The following RARB variants were observed in gnomAD, a reference collection of about 807,000 sequenced individuals.
RARB encodes the protein retinoic acid receptor beta, also known as HBV-activated protein.
A neutral mutation model predicts 51.9 loss-of-function variants in RARB; 17 were observed. The ratio of observed to expected loss-of-function variants is 0.33; its 90% CI spans 0.22 to 0.49. The LOEUF is 0.49. Among genes scored for constraint, RARB ranks in the 20% least tolerant of loss-of-function variants. The pLI, the probability that RARB is intolerant of heterozygous loss-of-function variation, is 0.99. For synonymous variants in RARB, 215 were observed against 195.4 expected (o/e 1.10, Z -0.84); for missense variants, 369 against 550.8 (o/e 0.67, Z 3.30).
chr3:24,939,322 T>C (rs1232599327), intron 2 of RARB, among the ~76,000 whole-genome samples: 1 of 152,218 alleles, frequency 6.6e-6, no homozygotes, highest in South Asian at 2.1e-4. Flanking sequence ...CAATTCTTTC[T>C]AGCATATCTG....
intron 2 of RARB, among the ~76,000 whole-genome samples, chr3:24,933,860 C>CA (rs1472709476): frequency 6.6e-6 from 1 of 151,906 alleles, no homozygotes; most frequent in African/African-American, 2.4e-5. Context: ...AAGCATTAAA[C>CA]AAAAAAATTG....
chr3:24,900,520 G>C (rs1325799745), intron 2 of RARB, among the ~76,000 whole-genome samples: 1 of 152,162 alleles, frequency 6.6e-6, no homozygotes, highest in African/African-American at 2.4e-5. Flanking sequence ...AAGTAAGTAA[G>C]AACAAAGTGC....
At chr3:25,189,606 G>T (rs913892855) in intron 5 of RARB, among the ~76,000 whole-genome samples, 2 of 152,076 alleles carry the variant, frequency 1.3e-5, no homozygotes, top group Non-Finnish European at 2.9e-5. Flanking sequence ...TCAGTTGTTG[G>T]GCTGGCATGG....
intron 3 of RARB, among the ~76,000 whole-genome samples, chr3:25,520,620 G>T (rs1470650040): frequency 1.3e-5 from 2 of 152,178 alleles, no homozygotes; most frequent in African/African-American, 4.8e-5. Context: ...TCTAGAAATT[G>T]CCTCAGAAGG....
Position 25,597,639 on chromosome 3 carries a change from C to CAACAACT in RARB, c.*1026_*1027insAACTAAC, listed in dbSNP as rs1559486708. 1 of 151,362 alleles carries CAACAACT rather than the reference C, an allele frequency of 6.6e-6. No homozygotes were observed. Among genetic ancestry groups the CAACAACT allele is most frequent in the African/African-American group, 2.4e-5 (1 of 41,058 alleles). The allele number at this position is 151,362 out of a possible 1,614,324, so 9.4% of individuals were successfully genotyped here. On this transcript the variant is annotated 3_prime_UTR_variant, in exon 8 of 8. Coordinates refer to ENST00000330688, the MANE Select transcript of RARB (RefSeq NM_000965.5). ...ATGCCAAGGGGCTAATTAATATTAA[C>CAACAACT]AACTCCCAAAGAAACAGGCATAGAA...
chr3:25,368,797 TCTTA>T (rs1220574084), intron 5 of RARB, among the ~76,000 whole-genome samples: 1 of 152,186 alleles, frequency 6.6e-6, no homozygotes, highest in South Asian at 2.1e-4. Context: ...CCATTGCTCC[TCTTA>T]CTTTAGCCTG....
intron 2 of RARB, among the ~76,000 whole-genome samples, chr3:25,473,528 G>A (rs989598889): frequency 1.3e-5 from 2 of 152,050 alleles, no homozygotes; most frequent in Non-Finnish European, 2.9e-5. Flanking sequence ...GGGCATTTTT[G>A]TTGGGGTTGG....
At chr3:25,194,512 T>C (rs890428723) in intron 5 of RARB, among the ~76,000 whole-genome samples, 69 of 150,444 alleles carry the variant, frequency 4.6e-4, no homozygotes, top group African/African-American at 1.5e-3. Context: ...TAGTGATATA[T>C]ATATGTTGAT....
intron 3 of RARB, among the ~76,000 whole-genome samples, chr3:25,110,509 T>A (rs2125325063): frequency 6.6e-6 from 1 of 152,322 alleles, no homozygotes; most frequent in East Asian, 1.9e-4. Flanking sequence ...AGTTGTTTCA[T>A]TTTAGAGCAA....
At chr3:25,461,152 C>G in intron 1 of RARB, 41 bp from the exon 2 acceptor site, 1 of 1,502,592 alleles carries the variant, frequency 6.7e-7, no homozygotes, top group Non-Finnish European at 8.9e-7. Flanking sequence ...AACTAAAATA[C>G]ATTTTCTCTT....
intron 4 of RARB, among the ~76,000 whole-genome samples, chr3:25,135,376 T>G (rs1343508952): frequency 6.6e-6 from 1 of 152,000 alleles, no homozygotes; most frequent in African/African-American, 2.4e-5. Context: ...TTCTATTTCC[T>G]TGGGAATTAT....
chr3:25,223,697 T>G (rs773853733), intron 5 of RARB, among the ~76,000 whole-genome samples: 13 of 152,190 alleles, frequency 8.5e-5, no homozygotes, highest in Non-Finnish European at 1.5e-4. Context: ...TCCCTCAAAA[T>G]AAGAGTAAAA....
intron 5 of RARB, among the ~76,000 whole-genome samples, chr3:25,204,260 C>T (rs576875281): frequency 1.8e-4 from 27 of 152,268 alleles, no homozygotes; most frequent in African/African-American, 6.3e-4. Context: ...TCTCGTGCCA[C>T]GGTTTTCAGC....
intron 3 of RARB, among the ~76,000 whole-genome samples, chr3:25,516,629 G>GTTTTTTTTTTTTTTTT (rs1559446380): frequency 7.3e-5 from 9 of 122,646 alleles, no homozygotes; most frequent in Non-Finnish European, 9.6e-5. Context: ...TTATTTCCTT[G>GTTTTTTTTTTTTTTTT]TCTTTTTTTT....
intron 5 of RARB, among the ~76,000 whole-genome samples, chr3:25,363,120 A>G (rs541135602): frequency 6.6e-6 from 1 of 152,322 alleles, no homozygotes; most frequent in South Asian, 2.1e-4. Flanking sequence ...TGGATAGGAC[A>G]TAATTTAAGG....
At chr3:25,566,402 G>C (rs1032078040) in intron 3 of RARB, among the ~76,000 whole-genome samples, 2 of 152,172 alleles carry the variant, frequency 1.3e-5, no homozygotes, top group Non-Finnish European at 2.9e-5. Context: ...AAGGAGTGTG[G>C]AAAGTAGCCT....
rs147885823 is a variant in RARB, at chr3:25,396,124, T to C, written c.179-65069T>C. ...AAGAACCAGACTGTAGTGACTGTTA[T>C]TTCTCTTCTGGGTCTAGCCACCCAG... is the stretch of plus-strand genomic sequence containing the variant. On this transcript the variant is annotated intron_variant, in intron 5 of 11. Transcript: ENST00000383772. Among the ~76,000 whole-genome samples the C allele has an allele frequency of 2.6e-4, 40 of 152,318 alleles. 1 individual carries two copies. The highest frequency in any genetic ancestry group is 7.2e-4 in the African/African-American group (30 of 41,576).
chr3:25,461,705 C>A (rs1288039242), intron 2 of RARB, among the ~76,000 whole-genome samples: 6 of 152,134 alleles, frequency 3.9e-5, no homozygotes, highest in African/African-American at 1.2e-4. Flanking sequence ...GCCCGCCTGA[C>A]CAACATGGCA....
At chr3:25,294,208 A>T (rs912069726) in intron 5 of RARB, among the ~76,000 whole-genome samples, 4 of 152,216 alleles carry the variant, frequency 2.6e-5, no homozygotes, top group Non-Finnish European at 5.9e-5. Flanking sequence ...TATGTTGATT[A>T]TGTTGTCATT....
Sources: gnomAD v4.1 joint callset for allele counts (sites outside exome capture counted in the v4.1 genomes callset) on GRCh38, gnomAD v4.1.1 for gene constraint, MANE v1.5 for transcripts, NCBI Gene and HGNC (gene_info 2026-07-23, HGNC 2026-07-21) for gene names.